The following PTCD3 variants were observed in gnomAD, a reference collection of about 807,000 sequenced individuals.
The protein encoded by PTCD3 is pentatricopeptide repeat domain 3, also known as small ribosomal subunit protein mS39.
Under a neutral mutation model 101.9 loss-of-function variants are expected in PTCD3, and 89 were observed. The ratio of observed to expected loss-of-function variants is 0.87; its 90% CI spans 0.74 to 1.04. PTCD3 has a LOEUF of 1.04. Ranked by LOEUF, PTCD3 falls within the 50% of genes least tolerant of loss-of-function variation. The probability of loss-of-function intolerance (pLI) is 0.00; values close to 1 mark genes in which losing one functional copy is unlikely to be tolerated. For missense variants in PTCD3, 870 were observed against 828.2 expected (o/e 1.05, Z -0.62); for synonymous variants, 296 against 278.5 (o/e 1.06, Z -0.63).
intron 12 of PTCD3, among the ~76,000 whole-genome samples, chr2:86,126,103 G>A (rs368315410): frequency 4.7e-4 from 72 of 152,036 alleles, no homozygotes; most frequent in Non-Finnish European, 8.8e-4. Context: ...GGTGGTGCAC[G>A]CCTGTAATCC....
At position 86,137,537 on chromosome 2, in the gene PTCD3, G is replaced by T; in HGVS notation, c.2048G>T (p.Ser683Ile). ...SDTDSSSDSDSDTSEGK is the reference protein window; with the variant it reads ...SDTDSSSDSDIDTSEGK ...ACTGACAGCAGCAGTGACAGCGACA[G>T]TGACACCAGTGAAGGCAAATGAAAG... The change falls in exon 24 of 24, where the codon AGT becomes ATT. Residue 683 changes from serine (S) to isoleucine (I), a missense_variant. Coordinates refer to ENST00000254630, the MANE Select transcript of PTCD3 (RefSeq NM_017952.6). 6.2e-7 allele frequency: 1 copy of T among 1,612,918 alleles called. No individual in the cohort carries two copies. The highest frequency in any genetic ancestry group is 1.1e-5 in the South Asian group (1 of 90,978).
intron 7 of PTCD3, among the ~76,000 whole-genome samples, chr2:86,119,791 A>C (rs926272412): frequency 1.3e-5 from 2 of 152,226 alleles, no homozygotes; most frequent in African/African-American, 4.8e-5. Context: ...TGTTCTTAGC[A>C]TTCAAAAAGT....
intron 14 of PTCD3, 122 bp from the exon 15 acceptor site, chr2:86,130,526 A>T (rs1038998351): frequency 4.1e-5 from 60 of 1,450,290 alleles, no homozygotes; most frequent in Non-Finnish European, 5.3e-5. Flanking sequence ...CTCCACCCAG[A>T]TCTATGCGAG....
intron 15 of PTCD3, 98 bp downstream of exon 15, chr2:86,130,835 G>T: frequency 1.4e-6 from 2 of 1,457,362 alleles, no homozygotes; most frequent in Non-Finnish European, 1.8e-6. Flanking sequence ...TAGCTTAGAA[G>T]TATTTTTTTT....
At position 86,125,044 on chromosome 2, in the gene PTCD3, G is replaced by T; in HGVS notation, c.766G>T (p.Glu256Ter). 1 of 1,614,044 alleles carries T rather than the reference G, an allele frequency of 6.2e-7. No individual in the cohort carries two copies. Among genetic ancestry groups the T allele is most frequent in the South Asian group, 1.1e-5 (1 of 91,060 alleles). The change falls in exon 10 of 24, where the codon GAA (glutamate) becomes TAA (stop). Residue 256 changes from glutamate (E) to a stop codon, truncating the protein, a stop_gained. Transcript: ENST00000254630. LOFTEE classifies it high-confidence loss of function. ...RIFSLMPEKN[E>*]HSYCTMIRGM... ...CTTTTCTCTAATGCCAGAGAAAAAT[G>T]AACATTCCTATTGCACAATGATCCG...
chr2:86,107,695 T>A (rs973908534), intron 1 of PTCD3, among the ~76,000 whole-genome samples: 2 of 152,228 alleles, frequency 1.3e-5, no homozygotes, highest in Non-Finnish European at 2.9e-5. Context: ...AATCAGGCCT[T>A]ATGTATTTGG....
At chr2:86,111,063 G>C (rs1674072764) in intron 3 of PTCD3, 50 bp from the exon 4 acceptor site, 2 of 1,523,142 alleles carry the variant, frequency 1.3e-6, no homozygotes. Flanking sequence ...TGTTCGGTTT[G>C]TGGCTATGAA....
chr2:86,106,383 A>T, intron 1 of PTCD3, 32 bp downstream of exon 1: 4 of 1,597,688 alleles, frequency 2.5e-6, no homozygotes, highest in Non-Finnish European at 3.4e-6. Flanking sequence ...CGCGAAGAAG[A>T]CCGCGGAGTC....
intron 7 of PTCD3, 46 bp from the exon 8 acceptor site, chr2:86,121,433 C>T: frequency 1.6e-6 from 2 of 1,248,358 alleles, no homozygotes; most frequent in Non-Finnish European, 2.3e-6. Flanking sequence ...GGCTTTAGTT[C>T]TTCATTGTTT....
rs893061679 is a variant in PTCD3 at position 86,140,027 on chromosome 2, A to C, written c.*2468A>C. The C allele has an allele frequency of 3.9e-5, 6 of 152,214 alleles. No individual in the cohort carries two copies. The highest frequency in any genetic ancestry group is 7.3e-5 in the Non-Finnish European group (5 of 68,038). The allele number at this position is 152,214 out of a possible 1,614,324, so 9.4% of individuals were successfully genotyped here. A position where few individuals can be genotyped will look rare whatever the true frequency, so the allele number is the denominator to read the frequency against. ...CACTCAAAAGATTCTACATGTCTAG[A>C]ATCAAACTCAAATCTGGCACGTAGG... On this transcript the variant is annotated 3_prime_UTR_variant, in exon 24 of 24. Coordinates refer to ENST00000254630, the MANE Select transcript of PTCD3 (RefSeq NM_017952.6).
chr2:86,117,140 T>C lies in PTCD3; in HGVS notation c.395T>C (p.Ile132Thr), dbSNP rs746407819. The C allele has an allele frequency of 3.1e-6, 4 of 1,281,894 alleles. No homozygotes were observed. In the South Asian group the frequency reaches 4.8e-5, roughly 15 times the overall value. 79.4% of individuals were successfully genotyped at this position (1,281,894 alleles called of 1,614,324 possible). ...NSYPKYFQKD[I>T]AEPHIPCLMP... is the part of the protein sequence containing the mutation. ...TACCCCAAATATTTTCAGAAGGACA[T>C]AGCTGAACCTCATATACCGGTAAGG... The change falls in exon 6 of 24, where the codon ATA (isoleucine) becomes ACA (threonine). Residue 132 changes from isoleucine (I) to threonine (T), a missense_variant. Physicochemically the swap from Ile to Thr is moderately conservative, Grantham distance 89 (BLOSUM62 -1). Coordinates refer to ENST00000254630, the MANE Select transcript of PTCD3 (RefSeq NM_017952.6).
At position 86,127,281 on chromosome 2, in the gene PTCD3, C is replaced by T. The variant is rs577965556; in HGVS notation, c.1072C>T (p.Arg358Cys). The change falls in exon 13 of 24, where the codon CGT (arginine) becomes TGT (cysteine). Residue 358 changes from arginine (R) to cysteine (C), a missense_variant. Arg to Cys is a radical substitution (Grantham distance 180). Transcript: ENST00000254630. The part of the protein sequence containing the change: ...FARSPALQVL[R>C]EMKAIGIEPS... ...AAGATCGCCAGCCTTACAGGTTTTA[C>T]GTGAAATGAAAGCCATTGGAATAGG... The T allele has an allele frequency of 7.2e-5, 117 of 1,613,992 alleles. 2 individuals are homozygous for T. In the South Asian group the frequency reaches 1.1e-3, roughly 16 times the overall value.
intron 4 of PTCD3, among the ~76,000 whole-genome samples, chr2:86,111,445 A>C (rs4344936): frequency 1.3e-5 from 2 of 151,694 alleles, no homozygotes; most frequent in Non-Finnish European, 2.9e-5. Context: ...AAAATTAGCC[A>C]GGCGTGGTGG....
intron 4 of PTCD3, among the ~76,000 whole-genome samples, chr2:86,113,566 G>C (rs370020628): frequency 6.6e-6 from 1 of 152,316 alleles, no homozygotes; most frequent in South Asian, 2.1e-4. Flanking sequence ...AGCAGTTTGG[G>C]AGGTCAAGGC....
At chr2:86,119,144 G>A (rs1290298849) in intron 7 of PTCD3, 100 bp downstream of exon 7, 1 of 1,437,264 alleles carries the variant, frequency 7.0e-7, no homozygotes, top group Non-Finnish European at 9.5e-7. Flanking sequence ...AGGTCCTGCT[G>A]TACTTACTCT....
chr2:86,106,901 A>G (rs1034750069), intron 1 of PTCD3, among the ~76,000 whole-genome samples: 3 of 152,210 alleles, frequency 2.0e-5, no homozygotes, highest in African/African-American at 7.2e-5. Flanking sequence ...ACTCAGTACA[A>G]ACAGTGGCAT....
At chr2:86,110,226 ATG>A (rs1294098409) in intron 3 of PTCD3, among the ~76,000 whole-genome samples, 2 of 152,260 alleles carry the variant, frequency 1.3e-5, no homozygotes, top group African/African-American at 4.8e-5. Context: ...AGATGAGAGA[ATG>A]TGTCGTTATC....
At chr2:86,134,769 G>A in intron 20 of PTCD3, 70 bp from the exon 21 acceptor site, 1 of 1,533,358 alleles carries the variant, frequency 6.5e-7, no homozygotes, top group Non-Finnish European at 9.0e-7. Context: ...TAAGGATCCT[G>A]TGTTAGTCTC....
At chr2:86,114,322 C>T (rs1449979721) in intron 4 of PTCD3, among the ~76,000 whole-genome samples, 2 of 151,578 alleles carry the variant, frequency 1.3e-5, no homozygotes, top group Admixed American at 6.6e-5. Flanking sequence ...GAGTCTCCCT[C>T]TGTCACCCAG....
Sources: gnomAD v4.1 joint callset for allele counts (sites outside exome capture counted in the v4.1 genomes callset) on GRCh38, gnomAD v4.1.1 for gene constraint, MANE v1.5 for transcripts, NCBI Gene and HGNC (gene_info 2026-07-23, HGNC 2026-07-21) for gene names.